The following TTC39B variants were observed in gnomAD, a reference collection of about 807,000 sequenced individuals.
TTC39B encodes tetratricopeptide repeat protein 39B.
Under a neutral mutation model 96.6 loss-of-function variants are expected in TTC39B, and 92 were observed. That is an observed-to-expected ratio of 0.95 (90% CI 0.80 to 1.13). The LOEUF (loss-of-function observed/expected upper bound fraction) is 1.13. TTC39B is among the 50% of genes most tolerant of loss of function. The pLI is 0.00. For missense variants in TTC39B, 955 were observed against 809.3 expected (o/e 1.18, Z -2.18); for synonymous variants, 367 against 299.4 (o/e 1.23, Z -2.33).
intron 1 of TTC39B, among the ~76,000 whole-genome samples, chr9:15,279,076 T>C (rs1381077860): frequency 6.6e-6 from 1 of 152,204 alleles, no homozygotes; most frequent in Non-Finnish European, 1.5e-5. Flanking sequence ...ATTGTGAGAT[T>C]TTAACCAATA....
chr9:15,200,522 G>A (rs184934301), intron 7 of TTC39B, among the ~76,000 whole-genome samples: 128 of 152,238 alleles, frequency 8.4e-4, no homozygotes, highest in East Asian at 5.8e-4. Context: ...GATTGTCATC[G>A]ACCATAAAAT....
At chr9:15,226,716 G>A (rs1156830256) in intron 2 of TTC39B, among the ~76,000 whole-genome samples, 1 of 152,160 alleles carries the variant, frequency 6.6e-6, no homozygotes, top group Non-Finnish European at 1.5e-5. Context: ...AAGAAGGTAA[G>A]GACCAATTTG....
chr9:15,181,618 T>C (rs1052764616), intron 17 of TTC39B, among the ~76,000 whole-genome samples: 1 of 152,100 alleles, frequency 6.6e-6, no homozygotes, highest in Non-Finnish European at 1.5e-5. Flanking sequence ...CACAACCAAA[T>C]GTAATGGGTA....
In TTC39B at chr9:15,218,102, G is replaced by A. The variant is rs557251980; in HGVS notation, c.372-3853C>T. On this transcript the variant is annotated intron_variant, in intron 3 of 19. Coordinates refer to ENST00000512701, the Ensembl canonical transcript of TTC39B. ...TCACACCTGTAATCCCAACCACTGCGGAGGTTGCAGTGAGCTGAGATCGCG... is the reference window on the plus strand; with the variant it reads ...TCACACCTGTAATCCCAACCACTGCAGAGGTTGCAGTGAGCTGAGATCGCG... Among the ~76,000 whole-genome samples the A allele has an allele frequency of 9.2e-4, 138 of 150,814 alleles. 1 individual carries two copies. Among genetic ancestry groups the A allele is most frequent in the Admixed American group, 9.2e-4 (14 of 15,142 alleles).
At chr9:15,280,939 T>C (rs1044273496) in intron 1 of TTC39B, among the ~76,000 whole-genome samples, 7 of 152,302 alleles carry the variant, frequency 4.6e-5, no homozygotes, top group African/African-American at 1.7e-4. Context: ...CCAAAGAGGC[T>C]GTTTTGTGTG....
chr9:15,301,174 C>T (rs2131621111), intron 1 of TTC39B, among the ~76,000 whole-genome samples: 1 of 152,276 alleles, frequency 6.6e-6, no homozygotes, highest in South Asian at 2.1e-4. Context: ...CTTTGCCGGA[C>T]CCTAAACAAG....
intron 1 of TTC39B, among the ~76,000 whole-genome samples, chr9:15,281,615 C>T (rs1262263531): frequency 8.0e-6 from 1 of 125,604 alleles, no homozygotes; most frequent in East Asian, 2.0e-4. Flanking sequence ...CAACATCCCC[C>T]CTGCAACAGC....
intron 1 of TTC39B, among the ~76,000 whole-genome samples, chr9:15,272,241 G>A (rs779743010): frequency 1.3e-5 from 2 of 152,232 alleles, no homozygotes; most frequent in Admixed American, 6.5e-5. Flanking sequence ...CAGTAGTCAC[G>A]CATGTATTCT....
chr9:15,191,816 G>C (rs1818873522), intron 9 of TTC39B, among the ~76,000 whole-genome samples: 1 of 152,186 alleles, frequency 6.6e-6, no homozygotes, highest in South Asian at 2.1e-4. Context: ...ACAATGGTTT[G>C]GTTGGAAGGG....
intron 2 of TTC39B, among the ~76,000 whole-genome samples, chr9:15,226,818 A>T (rs1220136705): frequency 6.6e-6 from 1 of 152,112 alleles, no homozygotes; most frequent in Non-Finnish European, 1.5e-5. Flanking sequence ...AATTTCCAGA[A>T]AGAGTTTAAG....
chr9:15,175,064 CT>C lies in TTC39B; in HGVS notation c.1912del (p.Ser638AlafsTer9). 6.2e-7 allele frequency: 1 copy of C among 1,613,730 alleles called. No homozygotes were observed. The highest frequency in any genetic ancestry group is 8.5e-7 in the Non-Finnish European group (1 of 1,179,784). Reference sequence around the variant, plus strand: ...TATGGCCTTGTCAATTTCCCCCTGGCTTTTATACAAAGATGCCAATTCAAAT... The same window carrying C: ...TATGGCCTTGTCAATTTCCCCCTGGCTTTATACAAAGATGCCAATTCAAAT... On this transcript the variant is annotated frameshift_variant, in exon 19 of 20. Transcript: ENST00000512701. LOFTEE classifies it high-confidence loss of function.
At chr9:15,257,877 T>C (rs1170074785) in intron 2 of TTC39B, among the ~76,000 whole-genome samples, 7 of 151,980 alleles carry the variant, frequency 4.6e-5, no homozygotes, top group Middle Eastern at 6.8e-3. Flanking sequence ...CTGACTAACA[T>C]GGAGAAACCC....
rs1821105966 is a variant in TTC39B, at chr9:15,226,038, G to A, written c.276-26C>T. ...CTGTTAATTAAAAAGGCAGAGCAAGGTTTTTTATTTCTTTGTCCTGTGAGA... is the reference window on the plus strand; with the variant it reads ...CTGTTAATTAAAAAGGCAGAGCAAGATTTTTTATTTCTTTGTCCTGTGAGA... On this transcript the variant is annotated intron_variant, in intron 2 of 19. Coordinates refer to ENST00000512701, the Ensembl canonical transcript of TTC39B. 3.7e-6 allele frequency: 6 copies of A among 1,605,518 alleles called. No individual in the cohort carries two copies. In the East Asian group the frequency reaches 1.3e-4, roughly 36 times the overall value.
chr9:15,164,970 T>A (rs1460838919), exon 20 of TTC39B: 1 of 152,228 alleles, frequency 6.6e-6, no homozygotes, highest in Non-Finnish European at 1.5e-5. Flanking sequence ...GTAAATTATT[T>A]TCTTAAAGAA....
intron 2 of TTC39B, among the ~76,000 whole-genome samples, chr9:15,242,458 C>G (rs192953319): frequency 3.3e-5 from 5 of 152,264 alleles, no homozygotes; most frequent in Admixed American, 3.3e-4. Context: ...TGGTGCATAC[C>G]TGTAGTCCCA....
intron 1 of TTC39B, among the ~76,000 whole-genome samples, chr9:15,271,979 G>A (rs181975121): frequency 6.6e-5 from 10 of 152,262 alleles, no homozygotes; most frequent in African/African-American, 2.2e-4. Flanking sequence ...CTGCATCCTT[G>A]GGAAAAGTGA....
chr9:15,246,978 C>G (rs1822307227), intron 2 of TTC39B, among the ~76,000 whole-genome samples: 1 of 152,242 alleles, frequency 6.6e-6, no homozygotes, highest in African/African-American at 2.4e-5. Context: ...GAAACATTAA[C>G]AGAAGAATAA....
At chr9:15,166,353 A>G (rs1000360632) in exon 20 of TTC39B, 2 of 152,208 alleles carry the variant, frequency 1.3e-5, no homozygotes, top group Non-Finnish European at 2.9e-5. Flanking sequence ...TGTAAGCAGA[A>G]GGGAATGGGG....
At chr9:15,279,892 CTTT>C (rs1164750793) in intron 1 of TTC39B, among the ~76,000 whole-genome samples, 11 of 101,814 alleles carry the variant, frequency 1.1e-4, no homozygotes, top group African/African-American at 3.6e-4. Flanking sequence ...TTTTTCTTTT[CTTT>C]TTTTTTTTTT....
Sources: gnomAD v4.1 joint callset for allele counts (sites outside exome capture counted in the v4.1 genomes callset) on GRCh38, gnomAD v4.1.1 for gene constraint, MANE v1.5 for transcripts, NCBI Gene and HGNC (gene_info 2026-07-23, HGNC 2026-07-21) for gene names.